The following MGAT4B variants were observed in gnomAD, a reference collection of about 807,000 sequenced individuals.
The protein encoded by MGAT4B is N-acetylglucosaminyltransferase IVb.
MGAT4B carries 38 observed loss-of-function variants against 73.9 expected under a neutral mutation model. That is an observed-to-expected ratio of 0.51 (90% CI 0.40 to 0.67). The LOEUF (loss-of-function observed/expected upper bound fraction) is 0.67. Ranked by LOEUF, MGAT4B falls within the 30% of genes least tolerant of loss-of-function variation. The probability of loss-of-function intolerance (pLI) is 0.00; values close to 1 mark genes in which losing one functional copy is unlikely to be tolerated. For missense variants in MGAT4B, 686 were observed against 735.2 expected, an observed-to-expected ratio of 0.93 and a Z score of 0.77; for synonymous variants, 373 against 313.5, an observed-to-expected ratio of 1.19 and a Z score of -2.01.
intron 1 of MGAT4B, chr5:179,805,127 G>C (rs1247788804): frequency 6.6e-6 from 1 of 152,252 alleles, no homozygotes; most frequent in Non-Finnish European, 1.5e-5. Context: ...GCTCCCTGTG[G>C]TAAGCCAGGC....
chr5:179,803,002 C>T (rs917418977), intron 1 of MGAT4B: 226 of 985,362 alleles, frequency 2.3e-4, no homozygotes, highest in Admixed American at 6.8e-4. Flanking sequence ...CCCAGAGTTG[C>T]GTGGGATGGC....
chr5:179,797,841 GCCT>G lies in MGAT4B; in HGVS notation c.*201_*203del. The G allele has an allele frequency of 1.5e-6, 1 of 651,406 alleles. No homozygotes were observed. Among genetic ancestry groups the G allele is most frequent in the Non-Finnish European group, 2.5e-6 (1 of 398,088 alleles). 40.4% of individuals were successfully genotyped at this position (651,406 alleles called of 1,614,324 possible). A position where few individuals can be genotyped will look rare whatever the true frequency, so the allele number is the denominator to read the frequency against. The stretch of plus-strand genomic sequence containing the variant: ...CTCAGGCACAGTGTGGGGGCCGCCT[GCCT>G]CCTCCGCGGCCCGGCGGGCGGGGGC... On this transcript the variant is annotated 3_prime_UTR_variant, in exon 15 of 15. Coordinates refer to ENST00000292591, the MANE Select transcript of MGAT4B (RefSeq NM_014275.5).
In MGAT4B at chr5:179,798,444, G is replaced by A; in HGVS notation, c.1423-10C>T. ...TGTCTGACTGAGGGTTCTGGGGGCA[G>A]AATCAAGGGCTGAGGCAGGTGGTCA... On this transcript the variant is annotated splice_polypyrimidine_tract_variant and intron_variant, in intron 12 of 14. Transcript: ENST00000292591. 6.2e-7 allele frequency: 1 copy of A among 1,612,700 alleles called. No homozygotes were observed. The highest frequency in any genetic ancestry group is 2.2e-5 in the East Asian group (1 of 44,862).
Position 179,799,074 on chromosome 5 carries a change from C to A in MGAT4B, c.1197G>T (p.Pro399=), listed in dbSNP as rs199906848. 1 of 1,613,934 alleles carries A rather than the reference C, an allele frequency of 6.2e-7. No individual in the cohort carries two copies. Among genetic ancestry groups the A allele is most frequent in the South Asian group, 1.1e-5 (1 of 91,088 alleles). The change falls in exon 11 of 15, where the codon CCG becomes CCT. Residue 399 remains proline (P), a synonymous_variant. Transcript: ENST00000292591. ...KQALRKEHVN[P]PAEVSTSLKT... ...TCAGGCTCGTGCTCACCTCTGCTGG[C>A]GGGTTCACATGCTCCTTCCGCAGCG... is the stretch of plus-strand genomic sequence containing the variant.
intron 8 of MGAT4B, 149 bp from the exon 9 acceptor site, chr5:179,799,785 G>A: frequency 2.3e-6 from 3 of 1,298,372 alleles, no homozygotes; most frequent in Non-Finnish European, 3.3e-6. Flanking sequence ...GATGAGGGCA[G>A]ACATGTCTGA....
In MGAT4B at chr5:179,801,929, C is replaced by G; in HGVS notation, c.138G>C (p.Leu46=). ...GCTCAGCTGCGTGCAACCGATCGCG[C>G]AGCGCCAGGAACTCCCGCTGGTAAA... ...VDVYQREFLA[L]RDRLHAAEQE... is the part of the protein sequence containing the mutation. Residue 46 remains leucine, a synonymous_variant, in exon 2 of 15, where the codon CTG becomes CTC. Transcript: ENST00000292591. This position sits in a 1 kb window ranked among gnomAD's most constrained non-coding sequence, Gnocchi z 4.8. 6.2e-7 allele frequency: 1 copy of G among 1,613,356 alleles called. No homozygotes were observed.
intron 9 of MGAT4B, 97 bp downstream of exon 9, chr5:179,799,409 C>T (rs1756806796): frequency 2.5e-6 from 4 of 1,606,528 alleles, no homozygotes; most frequent in Admixed American, 3.3e-5. Context: ...GCTGACAGTG[C>T]TCTATGTGAG....
In MGAT4B at chr5:179,801,422, G is replaced by A. The variant is rs1387194092; in HGVS notation, c.470C>T (p.Ser157Leu). The A allele has an allele frequency of 5.0e-6, 8 of 1,611,930 alleles. No individual in the cohort carries two copies. The East Asian group carries it at 6.7e-5, about 13-fold the overall frequency. ...GIPSVRREVH[S>L]YLTDTLHSLI... Reference sequence around the variant, plus strand: ...CGAGTGCAGAGTGTCAGTCAGGTACGAGTGCACCTCGCGCCGCACGCTCGG... The same window carrying A: ...CGAGTGCAGAGTGTCAGTCAGGTACAAGTGCACCTCGCGCCGCACGCTCGG... The change falls in exon 4 of 15, where the codon TCG (serine) becomes TTG (leucine). Residue 157 changes from serine to leucine, a missense_variant. Physicochemically the swap from Ser to Leu is moderately radical, Grantham distance 145. Transcript: ENST00000292591. The surrounding 1 kb of genome is among the most constrained non-coding windows in gnomAD (Gnocchi z 4.8).
chr5:179,806,597 C>A lies in MGAT4B; in HGVS notation c.-14G>T. On this transcript the variant is annotated 5_prime_UTR_variant, in exon 1 of 15. Coordinates refer to ENST00000292591, the MANE Select transcript of MGAT4B (RefSeq NM_014275.5). The surrounding 1 kb of genome is among the most constrained non-coding windows in gnomAD (Gnocchi z 4.6). ...GCGGAGCCTCATCTCCTCGGGTGCG[C>A]GGCGGGCGCCCGCGGGGCCGAGGCT... 2 of 1,231,348 alleles carry A rather than the reference C, an allele frequency of 1.6e-6. No individual in the cohort carries two copies. Among genetic ancestry groups the A allele is most frequent in the South Asian group, 1.7e-5 (1 of 58,140 alleles). The allele number at this position is 1,231,348 out of a possible 1,614,324, so 76.3% of individuals were successfully genotyped here. A position where few individuals can be genotyped will look rare whatever the true frequency, so the allele number is the denominator to read the frequency against.
At chr5:179,800,764 G>A in intron 5 of MGAT4B, 143 bp downstream of exon 5, 1 of 1,062,732 alleles carries the variant, frequency 9.4e-7, no homozygotes, top group South Asian at 1.4e-5. Flanking sequence ...GGCCACTTCT[G>A]CACACCCACC....
Position 179,801,628 on chromosome 5 carries a change from TGGAAGACGGTGG to T in MGAT4B, c.338_349del (p.Pro113_Phe116del). 6.2e-7 allele frequency: 1 copy of T among 1,605,810 alleles called. No individual in the cohort carries two copies. Among genetic ancestry groups the T allele is most frequent in the Non-Finnish European group, 8.5e-7 (1 of 1,177,874 alleles). On this transcript the variant is annotated inframe_deletion, in exon 3 of 15. Transcript: ENST00000292591. The surrounding 1 kb of genome is among the most constrained non-coding windows in gnomAD (Gnocchi z 4.8). ...CTTGGCCAGCAGGTGTGGCAGGTGA[TGGAAGACGGTGG>T]GCAGGTGCAGCACGTGCCGGTGTGA...
At position 179,806,589 on chromosome 5, in the gene MGAT4B, C is replaced by T; in HGVS notation, c.-6G>A. On this transcript the variant is annotated 5_prime_UTR_variant, in exon 1 of 15. Transcript: ENST00000292591. The surrounding 1 kb of genome is among the most constrained non-coding windows in gnomAD (Gnocchi z 4.6). ...GTGCCATTGCGGAGCCTCATCTCCT[C>T]GGGTGCGCGGCGGGCGCCCGCGGGG... The T allele has an allele frequency of 5.6e-6, 7 of 1,245,718 alleles. No homozygotes were observed. Among genetic ancestry groups the T allele is most frequent in the South Asian group, 1.7e-5 (1 of 59,176 alleles). 77.2% of individuals were successfully genotyped at this position (1,245,718 alleles called of 1,614,324 possible).
chr5:179,803,253 G>C (rs1356091643), intron 1 of MGAT4B: 1 of 985,182 alleles, frequency 1.0e-6, no homozygotes, highest in African/African-American at 1.7e-5. Flanking sequence ...CCTCTCTGGG[G>C]CTAAAGGCTG....
intron 1 of MGAT4B, chr5:179,802,243 A>G (rs914305061): frequency 2.2e-5 from 32 of 1,428,888 alleles, no homozygotes; most frequent in Non-Finnish European, 2.9e-5. Context: ...AAGTGGAAAT[A>G]CGATTTCCAG....
Position 179,801,968 on chromosome 5 carries a change from G to T in MGAT4B, c.99C>A (p.Gly33=). 6.2e-7 allele frequency: 1 copy of T among 1,613,380 alleles called. No individual in the cohort carries two copies. The highest frequency in any genetic ancestry group is 8.5e-7 in the Non-Finnish European group (1 of 1,180,012). The change falls in exon 2 of 15, where the codon GGC becomes GGA. Residue 33 remains glycine (G), a splice_region_variant and synonymous_variant. Transcript: ENST00000292591. This position sits in a 1 kb window ranked among gnomAD's most constrained non-coding sequence, Gnocchi z 4.8. The part of the protein sequence containing the change: ...SWYAALSGQK[G]DVVDVYQREF... ...CCCGCTGGTAAACGTCCACAACGTCGCCTGCAGGTGGTAGGCAAGCCGTCA... is the reference window on the plus strand; with the variant it reads ...CCCGCTGGTAAACGTCCACAACGTCTCCTGCAGGTGGTAGGCAAGCCGTCA...
chr5:179,800,804 G>C (rs1022759193), intron 5 of MGAT4B, 103 bp downstream of exon 5: 1 of 1,275,094 alleles, frequency 7.8e-7, no homozygotes, highest in South Asian at 1.2e-5. Flanking sequence ...GCCTCCCCAC[G>C]AGATAGGAAA....
rs567672196 is a variant in MGAT4B at position 179,798,301 on chromosome 5, G to A, written c.1511-24C>T. On this transcript the variant is annotated intron_variant, in intron 13 of 14. Coordinates refer to ENST00000292591, the MANE Select transcript of MGAT4B (RefSeq NM_014275.5). ...GCCTGTGGGAGGGCAGTGGTGAGAGGGTGTCCCTGAACCCCAGCCCACGCT... is the reference window on the plus strand; with the variant it reads ...GCCTGTGGGAGGGCAGTGGTGAGAGAGTGTCCCTGAACCCCAGCCCACGCT... The A allele has an allele frequency of 1.2e-5, 20 of 1,612,738 alleles. No individual in the cohort carries two copies. In the East Asian group the frequency reaches 3.8e-4, roughly 31 times the overall value.
chr5:179,801,490 G>T lies in MGAT4B; in HGVS notation c.425-23C>A. 1 of 1,602,254 alleles carries T rather than the reference G, an allele frequency of 6.2e-7. No homozygotes were observed. Among genetic ancestry groups the T allele is most frequent in the Non-Finnish European group, 8.5e-7 (1 of 1,172,094 alleles). On this transcript the variant is annotated intron_variant, in intron 3 of 14. Transcript: ENST00000292591. The surrounding 1 kb of genome is among the most constrained non-coding windows in gnomAD (Gnocchi z 4.8). ...ACACTATGGGGGACGGAGGCCCGAC[G>T]CTGGAAAGGGTGCGGGGGCCACCCG...
In MGAT4B at chr5:179,798,196, G is replaced by A. The variant is rs1455743435; in HGVS notation, c.1592C>T (p.Thr531Met). ...PLEALRLSIQ[T>M]DSPVWVILSE... The stretch of plus-strand genomic sequence containing the variant: ...CAGAATCACCCACACAGGGGAGTCC[G>A]TCTGGATCGAGAGGCGCAGTGCTTC... The change falls in exon 14 of 15, where the codon ACG (threonine) becomes ATG (methionine). Residue 531 changes from threonine (T) to methionine (M), a missense_variant. Around this residue, in one of 2 missense-constraint regions of MGAT4B, gnomAD observed 449 missense variants for 536.8 expected, o/e 0.84. Coordinates refer to ENST00000292591, the MANE Select transcript of MGAT4B (RefSeq NM_014275.5). 1.8e-5 allele frequency: 29 copies of A among 1,598,170 alleles called. No homozygotes were observed. The highest frequency in any genetic ancestry group is 1.6e-4 in the Middle Eastern group (1 of 6,062).
Sources: gnomAD v4.1 joint callset for allele counts on GRCh38, gnomAD v4.1.1 for gene constraint, gnomAD v4.1.1 regional missense constraint, Gnocchi (gnomAD v3.1) non-coding constraint, MANE v1.5 for transcripts, NCBI Gene and HGNC (gene_info 2026-07-23, HGNC 2026-07-21) for gene names.